ADAMTS19: variants seen among roughly 807,000 people sequenced by gnomAD.
ADAMTS19 encodes A disintegrin and metalloproteinase with thrombospondin motifs 19.
In ADAMTS19, 93 loss-of-function variants were observed where a neutral mutation model predicts 153.3. The observed-to-expected ratio is 0.61, with a 90% CI of 0.51 to 0.72. The LOEUF (loss-of-function observed/expected upper bound fraction) is 0.72. ADAMTS19 is among the 30% of genes least tolerant of loss of function. ADAMTS19 has a pLI of 0.00. For missense variants in ADAMTS19, 1,482 were observed against 1,552.1 expected (o/e 0.95, Z 0.76); for synonymous variants, 600 against 556.6 (o/e 1.08, Z -1.10).
chr5:129,730,388 A>G (rs1470376271), intron 21 of ADAMTS19, among the ~76,000 whole-genome samples: 1 of 152,180 alleles, frequency 6.6e-6, no homozygotes, highest in Non-Finnish European at 1.5e-5. Context: ...TTGCAGAAAT[A>G]TATACAGAGT....
intron 8 of ADAMTS19, among the ~76,000 whole-genome samples, chr5:129,603,422 A>G (rs1750755970): frequency 6.6e-6 from 1 of 152,184 alleles, no homozygotes; most frequent in African/African-American, 2.4e-5. Flanking sequence ...GTCTTAGATT[A>G]TTTTGTTATA....
At chr5:129,488,661 C>T (rs566125275) in intron 2 of ADAMTS19, among the ~76,000 whole-genome samples, 2 of 151,868 alleles carry the variant, frequency 1.3e-5, no homozygotes, top group Non-Finnish European at 2.9e-5. Flanking sequence ...TTCTTGAGTG[C>T]CCATTATGAA....
At chr5:129,502,293 G>A (rs767450101) in intron 2 of ADAMTS19, among the ~76,000 whole-genome samples, 4 of 152,104 alleles carry the variant, frequency 2.6e-5, no homozygotes, top group Non-Finnish European at 5.9e-5. Flanking sequence ...TTGGTGATTT[G>A]GGGGTGGGGA....
chr5:129,604,614 T>A (rs1207695102), intron 8 of ADAMTS19, among the ~76,000 whole-genome samples: 2 of 152,210 alleles, frequency 1.3e-5, no homozygotes, highest in African/African-American at 4.8e-5. Context: ...AGGCTCTTGA[T>A]ATATATCAAA....
At chr5:129,608,901 A>G (rs1418823379) in intron 8 of ADAMTS19, among the ~76,000 whole-genome samples, 2 of 152,132 alleles carry the variant, frequency 1.3e-5, no homozygotes, top group African/African-American at 4.8e-5. Context: ...AAATGCATAT[A>G]AAGTATATCA....
rs1226541867 is a variant in ADAMTS19, at chr5:129,659,320, T to C, written c.2425+583T>C. On this transcript the variant is annotated intron_variant, in intron 15 of 22. Coordinates refer to ENST00000274487, the MANE Select transcript of ADAMTS19 (RefSeq NM_133638.6). ...ATACTAATACTCAGGGGATGTGAGA[T>C]TGAAATTATGAATGATCTACATAGT... Among the ~76,000 whole-genome samples the C allele has an allele frequency of 5.3e-5, 8 of 152,176 alleles. No individual in the cohort carries two copies. The East Asian group carries it at 1.5e-3, about 29-fold the overall frequency.
chr5:129,519,501 G>A (rs1038971864), intron 3 of ADAMTS19, among the ~76,000 whole-genome samples: 1 of 151,974 alleles, frequency 6.6e-6, no homozygotes, highest in Non-Finnish European at 1.5e-5. Flanking sequence ...TATATTGTGT[G>A]TACCTCCTAG....
chr5:129,641,217 A>C (rs1193951195), intron 10 of ADAMTS19, among the ~76,000 whole-genome samples: 2 of 152,088 alleles, frequency 1.3e-5, no homozygotes, highest in African/African-American at 2.4e-5. Context: ...ATCTTTGCTT[A>C]TTGTTGCCAT....
chr5:129,564,713 C>T (rs1337501521), intron 7 of ADAMTS19, among the ~76,000 whole-genome samples: 1 of 152,080 alleles, frequency 6.6e-6, no homozygotes, highest in Admixed American at 6.6e-5. Flanking sequence ...TGATATGGCT[C>T]TAAACACTTG....
intron 2 of ADAMTS19, among the ~76,000 whole-genome samples, chr5:129,488,375 C>G (rs1750663944): frequency 6.6e-6 from 1 of 152,070 alleles, no homozygotes; most frequent in South Asian, 2.1e-4. Flanking sequence ...AAACTTTACA[C>G]AGACCACTCA....
chr5:129,461,595 G>T lies in ADAMTS19; in HGVS notation c.585G>T (p.Pro195=). The T allele has an allele frequency of 6.3e-7, 1 of 1,583,732 alleles. No individual in the cohort carries two copies. The change falls in exon 2 of 23, where the codon CCG becomes CCT. Residue 195 remains proline (P), a synonymous_variant. Transcript: ENST00000274487. This position sits in a 1 kb window ranked among gnomAD's most constrained non-coding sequence, Gnocchi z 4.6. ...LLRRDGRFLA[P]RFAVEQRPNP... Reference sequence around the variant, plus strand: ...GGAGAGACGGCCGCTTCCTGGCGCCGCGCTTCGCAGTGGAACAGCGGCCAA... The same window carrying T: ...GGAGAGACGGCCGCTTCCTGGCGCCTCGCTTCGCAGTGGAACAGCGGCCAA...
chr5:129,621,487 A>G (rs1177754498), intron 9 of ADAMTS19, among the ~76,000 whole-genome samples: 2 of 152,162 alleles, frequency 1.3e-5, no homozygotes, highest in Non-Finnish European at 2.9e-5. Context: ...ATATCCTTTA[A>G]ATAGTTAAGC....
At chr5:129,689,036 C>T (rs1755214348) in intron 18 of ADAMTS19, among the ~76,000 whole-genome samples, 1 of 152,132 alleles carries the variant, frequency 6.6e-6, no homozygotes. Context: ...TCAGCATTAA[C>T]TGCATAACTT....
At chr5:129,636,267 T>C (rs1263632726) in intron 10 of ADAMTS19, among the ~76,000 whole-genome samples, 1 of 152,226 alleles carries the variant, frequency 6.6e-6, no homozygotes, top group African/African-American at 2.4e-5. Flanking sequence ...AGTTGTTTTT[T>C]GTATTCTGTT....
intron 21 of ADAMTS19, among the ~76,000 whole-genome samples, chr5:129,724,147 G>T (rs1380118386): frequency 1.3e-5 from 2 of 152,150 alleles, no homozygotes; most frequent in Admixed American, 1.3e-4. Flanking sequence ...TCTGGATCAA[G>T]AAAAAGACCT....
intron 8 of ADAMTS19, among the ~76,000 whole-genome samples, chr5:129,609,783 C>A (rs1315376438): frequency 7.9e-5 from 12 of 152,046 alleles, no homozygotes; most frequent in African/African-American, 2.7e-4. Flanking sequence ...AAATGAATGA[C>A]CTTGGAAGAG....
At chr5:129,491,466 A>T (rs1217844035) in intron 2 of ADAMTS19, among the ~76,000 whole-genome samples, 3 of 152,194 alleles carry the variant, frequency 2.0e-5, no homozygotes, top group Non-Finnish European at 4.4e-5. Context: ...CTTATTGGTC[A>T]GGTTGACCAT....
chr5:129,613,605 C>A (rs530264801), intron 8 of ADAMTS19, among the ~76,000 whole-genome samples: 2 of 152,024 alleles, frequency 1.3e-5, no homozygotes, highest in Non-Finnish European at 2.9e-5. Context: ...AATTGACACC[C>A]TAACATCACA....
chr5:129,596,732 C>G lies in ADAMTS19; in HGVS notation c.1478+68C>G. The G allele has an allele frequency of 5.2e-6, 6 of 1,152,400 alleles. No individual in the cohort carries two copies. In the South Asian group the frequency reaches 8.1e-5, roughly 16 times the overall value. 71.4% of individuals were successfully genotyped at this position (1,152,400 alleles called of 1,614,324 possible). A position where few individuals can be genotyped will look rare whatever the true frequency, so the allele number is the denominator to read the frequency against. ...CTTTGTAATTCGAGTTACTGAATTA[C>G]CTGGATATCTTCTGATTTTTAATTT... On this transcript the variant is annotated intron_variant, in intron 8 of 22. Transcript: ENST00000274487.
Sources: allele counts gnomAD v4.1 joint callset (sites outside exome capture counted in the v4.1 genomes callset), GRCh38; gene constraint gnomAD v4.1.1; non-coding constraint Gnocchi (gnomAD v3.1); transcripts MANE v1.5; gene names NCBI Gene and HGNC (gene_info 2026-07-23, HGNC 2026-07-21).